POLR1B: variants seen among roughly 807,000 people sequenced by gnomAD.
The protein encoded by POLR1B is DNA-directed RNA polymerase I subunit RPA2.
POLR1B carries 30 observed loss-of-function variants against 105.8 expected under a neutral mutation model. The observed-to-expected ratio is 0.28, with a 90% CI of 0.21 to 0.38. The LOEUF is 0.38. Among genes scored for constraint, POLR1B ranks in the 10% least tolerant of loss-of-function variants. The probability of loss-of-function intolerance (pLI) is 1.00; values close to 1 mark genes in which losing one functional copy is unlikely to be tolerated. For synonymous variants in POLR1B, 485 were observed against 505.1 expected, an observed-to-expected ratio of 0.96 and a Z score of 0.53; for missense variants, 976 against 1,435.8, an observed-to-expected ratio of 0.68 and a Z score of 5.17.
intron 7 of POLR1B, chr2:112,553,486 A>AT (rs1280018420): frequency 1.2e-4 from 18 of 151,538 alleles, no homozygotes; most frequent in African/African-American, 3.6e-4. Flanking sequence ...CTAATTTTTA[A>AT]TTTTTTTTGT....
intron 1 of POLR1B, among the ~76,000 whole-genome samples, chr2:112,544,765 T>C (rs1226407603): frequency 6.6e-6 from 1 of 152,176 alleles, no homozygotes; most frequent in African/African-American, 2.4e-5. Context: ...AAAATAGTTA[T>C]CATATTTTTT....
At chr2:112,543,991 A>G (rs1177662106) in intron 1 of POLR1B, among the ~76,000 whole-genome samples, 1 of 151,872 alleles carries the variant, frequency 6.6e-6, no homozygotes, top group African/African-American at 2.4e-5. Context: ...CGGGAGGCTG[A>G]GGTGGGAGGA....
intron 10 of POLR1B, among the ~76,000 whole-genome samples, chr2:112,567,691 G>C (rs1039290680): frequency 6.6e-6 from 1 of 151,970 alleles, no homozygotes; most frequent in Admixed American, 6.6e-5. Flanking sequence ...ATGAGTTTTT[G>C]GTTTATTAAA....
Position 112,559,314 on chromosome 2 carries a change from C to G in POLR1B, c.1352C>G (p.Ser451Cys). ...SKTGLGLLQD[S>C]GLCVVADKLN... ...TAAGGTCTTGGCCTCCTACAAGATT[C>G]TGGACTTTGTGTTGTGGCTGACAAG... The change falls in exon 9 of 15, where the codon TCT (serine) becomes TGT (cysteine). Residue 451 changes from serine (S) to cysteine (C), a missense_variant. By Grantham distance (112) the Ser-to-Cys change is moderately radical. This residue lies in a region of POLR1B where 452 missense variants were observed against 616.5 expected (regional missense o/e 0.73). Transcript: ENST00000263331. The G allele has an allele frequency of 6.2e-7, 1 of 1,614,182 alleles. No individual in the cohort carries two copies. Among genetic ancestry groups the G allele is most frequent in the Non-Finnish European group, 8.5e-7 (1 of 1,180,044 alleles).
In POLR1B at chr2:112,577,868, AAAAAACCAATTTAATAGAAAAG is replaced by A. The variant is rs1684937960; in HGVS notation, c.*2141_*2162del. Reference sequence around the variant, plus strand: ...AAAAAAAAAAGCGGGGAGGCATAAGAAAAAACCAATTTAATAGAAAAGATAGGCTTTGCTTCAGGAAGCTGGT... The same window carrying A: ...AAAAAAAAAAGCGGGGAGGCATAAGAATAGGCTTTGCTTCAGGAAGCTGGT... On this transcript the variant is annotated 3_prime_UTR_variant, in exon 15 of 15. Transcript: ENST00000263331. Among the ~76,000 whole-genome samples, 1 of 151,906 alleles carries A rather than the reference AAAAAACCAATTTAATAGAAAAG, an allele frequency of 6.6e-6. No homozygotes were observed.
At chr2:112,571,057 G>A (rs956935796) in intron 12 of POLR1B, among the ~76,000 whole-genome samples, 7 of 152,140 alleles carry the variant, frequency 4.6e-5, no homozygotes, top group African/African-American at 1.7e-4. Flanking sequence ...TGGGATTACA[G>A]GCATGAGCCA....
intron 1 of POLR1B, among the ~76,000 whole-genome samples, chr2:112,546,228 A>G (rs138329298): frequency 1.1e-3 from 162 of 152,310 alleles, no homozygotes; most frequent in African/African-American, 3.8e-3. Flanking sequence ...CAGCCTGGCC[A>G]CCATCTTTTC....
Position 112,547,449 on chromosome 2 carries a change from T to A in POLR1B, c.374T>A (p.Ile125Asn). ...TADINWAVNG[I>N]SKGIIKQFLG... ...GATATCAACTGGGCAGTGAATGGAA[T>A]CTCAAAAGGAATCATTAAGCAGTTT... The change falls in exon 3 of 15, where the codon ATC (isoleucine) becomes AAC (asparagine). Residue 125 changes from isoleucine (I) to asparagine (N), a missense_variant. Coordinates refer to ENST00000263331, the MANE Select transcript of POLR1B (RefSeq NM_019014.6). 2.5e-6 allele frequency: 4 copies of A among 1,614,158 alleles called. No individual in the cohort carries two copies. The highest frequency in any genetic ancestry group is 3.4e-6 in the Non-Finnish European group (4 of 1,179,984).
chr2:112,550,742 C>A, intron 4 of POLR1B, 124 bp from the exon 5 acceptor site: 1 of 978,998 alleles, frequency 1.0e-6, no homozygotes, highest in Non-Finnish European at 1.5e-6. Context: ...GATTGCCAGT[C>A]TTGGCTAAAC....
chr2:112,548,597 G>A (rs1013985583), intron 3 of POLR1B, among the ~76,000 whole-genome samples: 1 of 151,586 alleles, frequency 6.6e-6, no homozygotes, highest in Non-Finnish European at 1.5e-5. Context: ...AAGCAAAATG[G>A]TTACAGTTTT....
At chr2:112,553,405 C>T (rs1410646039) in intron 7 of POLR1B, 2 of 152,176 alleles carry the variant, frequency 1.3e-5, no homozygotes, top group East Asian at 3.8e-4. Flanking sequence ...CTCAACCTCC[C>T]AGGCTCAAGC....
At chr2:112,551,746 G>T in intron 5 of POLR1B, 29 bp from the exon 6 acceptor site, 2 of 1,534,150 alleles carry the variant, frequency 1.3e-6, no homozygotes, top group Non-Finnish European at 1.8e-6. Flanking sequence ...TTATTAGTGA[G>T]CAATTAAACC....
At chr2:112,564,198 T>C (rs553452221) in intron 9 of POLR1B, 168 bp from the exon 10 acceptor site, 9 of 745,422 alleles carry the variant, frequency 1.2e-5, no homozygotes, top group Middle Eastern at 4.2e-4. Context: ...ATAAGCCTGC[T>C]TGAAATATCT....
Position 112,568,012 on chromosome 2 carries a change from A to G in POLR1B, c.1792A>G (p.Ile598Val). The change falls in exon 11 of 15, where the codon ATA (isoleucine) becomes GTA (valine). Residue 598 changes from isoleucine to valine, a missense_variant. Ile to Val is a conservative substitution (Grantham distance 29). Coordinates refer to ENST00000263331, the MANE Select transcript of POLR1B (RefSeq NM_019014.6). The part of the protein sequence containing the change: ...RIPPWMEVVL[I>V]PMTGKPSLYP... The stretch of plus-strand genomic sequence containing the variant: ...TCCTCCCTGGATGGAAGTGGTCCTT[A>G]TACCCATGACAGGAAAACCAAGTCT... The G allele has an allele frequency of 1.2e-6, 2 of 1,614,180 alleles. No homozygotes were observed. Among genetic ancestry groups the G allele is most frequent in the South Asian group, 2.2e-5 (2 of 91,088 alleles).
Position 112,577,041 on chromosome 2 carries a change from A to T in POLR1B, c.*1312A>T, listed in dbSNP as rs1456597989. The T allele has an allele frequency of 1.3e-5, 2 of 152,204 alleles. No individual in the cohort carries two copies. The highest frequency in any genetic ancestry group is 1.3e-4 in the Admixed American group (2 of 15,270). 9.4% of individuals were successfully genotyped at this position (152,204 alleles called of 1,614,324 possible). A position where few individuals can be genotyped will look rare whatever the true frequency, so the allele number is the denominator to read the frequency against. On this transcript the variant is annotated 3_prime_UTR_variant, in exon 15 of 15. Transcript: ENST00000263331. ...TAAGTTGTTCCATTCTTTGGCCATT[A>T]TAACTTTTTTCTGCAAATATTCTGG...
In POLR1B at chr2:112,546,995, T is replaced by C; in HGVS notation, c.178-17T>C. 1.2e-6 allele frequency: 2 copies of C among 1,612,724 alleles called. No individual in the cohort carries two copies. Among genetic ancestry groups the C allele is most frequent in the Non-Finnish European group, 1.7e-6 (2 of 1,178,976 alleles). ...CTTGGAAATGCAAGCAATTTAATAG[T>C]GTGAATTGCATTTCAGGCTATACCT... On this transcript the variant is annotated splice_polypyrimidine_tract_variant and intron_variant, in intron 1 of 14. Coordinates refer to ENST00000263331, the MANE Select transcript of POLR1B (RefSeq NM_019014.6).
At chr2:112,556,925 A>AC in intron 7 of POLR1B, among the ~76,000 whole-genome samples, 1 of 152,206 alleles carries the variant, frequency 6.6e-6, no homozygotes, top group Non-Finnish European at 1.5e-5. Context: ...CACATTCATC[A>AC]CCTCAAACAT....
chr2:112,551,101 A>C lies in POLR1B; in HGVS notation c.762+99A>C, dbSNP rs1574097624. 3 of 1,204,348 alleles carry C rather than the reference A, an allele frequency of 2.5e-6. No individual in the cohort carries two copies. In the East Asian group the frequency reaches 7.0e-5, roughly 28 times the overall value. The allele number at this position is 1,204,348 out of a possible 1,614,324, so 74.6% of individuals were successfully genotyped here. A position where few individuals can be genotyped will look rare whatever the true frequency, so the allele number is the denominator to read the frequency against. Reference sequence around the variant, plus strand: ...ATTCTCCTTGTTAAAATAATACTGTACTAGTTGTCTACTGCTCCAAAACAA... The same window carrying C: ...ATTCTCCTTGTTAAAATAATACTGTCCTAGTTGTCTACTGCTCCAAAACAA... On this transcript the variant is annotated intron_variant, in intron 5 of 14. Coordinates refer to ENST00000263331, the MANE Select transcript of POLR1B (RefSeq NM_019014.6).
At chr2:112,560,150 G>T (rs1683899712) in intron 9 of POLR1B, among the ~76,000 whole-genome samples, 1 of 152,084 alleles carries the variant, frequency 6.6e-6, no homozygotes, top group Non-Finnish European at 1.5e-5. Context: ...ATGGAAGTGA[G>T]GATCGCTTGA....
Sources: gnomAD v4.1 joint callset for allele counts (sites outside exome capture counted in the v4.1 genomes callset) on GRCh38, gnomAD v4.1.1 for gene constraint, gnomAD v4.1.1 regional missense constraint, MANE v1.5 for transcripts, NCBI Gene and HGNC (gene_info 2026-07-23, HGNC 2026-07-21) for gene names.